PHACTR2: variants seen among roughly 807,000 people sequenced by gnomAD.
The protein encoded by PHACTR2 is phosphatase and actin regulator 2, also known as chromosome 6 open reading frame 56.
PHACTR2 carries 30 observed loss-of-function variants against 76.0 expected under a neutral mutation model. That is an observed-to-expected ratio of 0.39 (90% CI 0.30 to 0.54). The LOEUF (loss-of-function observed/expected upper bound fraction) is 0.54. PHACTR2 is among the 20% of genes least tolerant of loss of function. The pLI, the probability that PHACTR2 is intolerant of heterozygous loss-of-function variation, is 0.61. For missense variants in PHACTR2, 696 were observed against 781.1 expected, an observed-to-expected ratio of 0.89 and a Z score of 1.30; for synonymous variants, 292 against 292.5, an observed-to-expected ratio of 1.00 and a Z score of 0.02.
Position 143,654,105 on chromosome 6 carries a change from A to G in PHACTR2, c.13+45783A>G, listed in dbSNP as rs1475708254. Among the ~76,000 whole-genome samples, 4 of 152,244 alleles carry G rather than the reference A, an allele frequency of 2.6e-5. No homozygotes were observed. The highest frequency in any genetic ancestry group is 6.5e-5 in the Admixed American group (1 of 15,284). On this transcript the variant is annotated intron_variant, in intron 1 of 11. Transcript: ENST00000305766. The surrounding 1 kb of genome is among the most constrained non-coding windows in gnomAD (Gnocchi z 4.6). ...ATTCAGATATCTAATAAACACATGA[A>G]AAGATGCTCAGCATCATTAACCATC...
At position 143,742,374 on chromosome 6, in the gene PHACTR2, TGCGGAGGCAAGGTG is replaced by T. The variant is rs1225622343; in HGVS notation, c.215-6608_215-6595del. Among the ~76,000 whole-genome samples, 4 of 152,218 alleles carry T rather than the reference TGCGGAGGCAAGGTG, an allele frequency of 2.6e-5. No homozygotes were observed. The highest frequency in any genetic ancestry group is 5.9e-5 in the Non-Finnish European group (4 of 68,034). On this transcript the variant is annotated intron_variant, in intron 2 of 12. Transcript: ENST00000440869. This position sits in a 1 kb window ranked among gnomAD's most constrained non-coding sequence, Gnocchi z 4.5. ...TGGTTGTTAACTTCAGTTCTCCTCT[TGCGGAGGCAAGGTG>T]GCCACTAGCCACTCTTGCTCATATT...
chr6:143,568,329 G>A (rs375541840), intron 1 of PHACTR2, among the ~76,000 whole-genome samples: 1 of 152,186 alleles, frequency 6.6e-6, no homozygotes, highest in African/African-American at 2.4e-5. Flanking sequence ...TAAGGTTATA[G>A]GGCCCTTGTA....
chr6:143,620,037 G>A (rs1416088546), intron 1 of PHACTR2, among the ~76,000 whole-genome samples: 1 of 152,136 alleles, frequency 6.6e-6, no homozygotes. Context: ...TTAAGTTAAG[G>A]AAGTTCAAAG....
At chr6:143,644,743 T>C (rs79313593) in intron 1 of PHACTR2, among the ~76,000 whole-genome samples, 3,103 of 151,848 alleles carry the variant, frequency 0.02, 45 homozygotes, top group Middle Eastern at 0.041. Flanking sequence ...AAATCAATCA[T>C]GGCATCTTAG....
chr6:143,670,460 C>G (rs1336125320), intron 1 of PHACTR2, among the ~76,000 whole-genome samples: 1 of 152,134 alleles, frequency 6.6e-6, no homozygotes, highest in Non-Finnish European at 1.5e-5. Flanking sequence ...TTCACTCTCC[C>G]CGTCACTTTC....
At chr6:143,629,393 G>C (rs956884069) in intron 1 of PHACTR2, among the ~76,000 whole-genome samples, 1 of 152,130 alleles carries the variant, frequency 6.6e-6, no homozygotes, top group Non-Finnish European at 1.5e-5. Context: ...TTATTATCAA[G>C]CTCCACATTG....
intron 2 of PHACTR2, among the ~76,000 whole-genome samples, chr6:143,728,216 C>CTTTTTTTTTTTTTTTT (rs548709835): frequency 1.2e-3 from 99 of 83,718 alleles, no homozygotes; most frequent in Admixed American, 1.4e-3. Context: ...TTTTTTCTTT[C>CTTTTTTTTTTTTTTTT]TTTTTTTTTT....
chr6:143,829,285 TAAACAC>T lies in PHACTR2; in HGVS notation c.*5604_*5609del, dbSNP rs1776611285. On this transcript the variant is annotated 3_prime_UTR_variant, in exon 13 of 13. Coordinates refer to ENST00000440869, the MANE Select transcript of PHACTR2 (RefSeq NM_001100164.2). ...CTGTCATGAGGATTGTTGCATGGGTTAAACACAAACACAGACTAGCAATGCACTTGA... is the reference window on the plus strand; with the variant it reads ...CTGTCATGAGGATTGTTGCATGGGTTAAACACAGACTAGCAATGCACTTGA... 6.6e-6 allele frequency: 1 copy of T among 151,350 alleles called. No individual in the cohort carries two copies. Among genetic ancestry groups the T allele is most frequent in the South Asian group, 2.1e-4 (1 of 4,792 alleles). The allele number at this position is 151,350 out of a possible 1,614,324, so 9.4% of individuals were successfully genotyped here. A position where few individuals can be genotyped will look rare whatever the true frequency, so the allele number is the denominator to read the frequency against.
In PHACTR2 at chr6:143,584,874, GGGA is replaced by G. The variant is rs373999709; in HGVS notation, c.217+47672_217+47674del. 3.9e-3 allele frequency among the ~76,000 whole-genome samples: 586 copies of G among 151,992 alleles called. 5 individuals carry two copies. The highest frequency in any genetic ancestry group is 0.014 in the African/African-American group (565 of 41,434). On this transcript the variant is annotated intron_variant, in intron 1 of 11. Transcript: ENST00000367584. ...AATAAAGATTAGGACTCGGGCACCA[GGGA>G]GGAGAAGAACATAAGGCTAGGAAGC...
chr6:143,557,343 G>A lies in PHACTR2; in HGVS notation c.217+20136G>A, dbSNP rs1775193292. Among the ~76,000 whole-genome samples, 1 of 152,148 alleles carries A rather than the reference G, an allele frequency of 6.6e-6. No individual in the cohort carries two copies. The highest frequency in any genetic ancestry group is 2.1e-4 in the South Asian group (1 of 4,820). On this transcript the variant is annotated intron_variant, in intron 1 of 11. Coordinates refer to the PHACTR2 transcript ENST00000367584. This position sits in a 1 kb window ranked among gnomAD's most constrained non-coding sequence, Gnocchi z 5.5. ...TGGAGAGGGAGGTAAATCATCTTGG[G>A]TCATACAGCCAGTAAGTGCAGAGGC...
chr6:143,593,331 A>G (rs1775713910), intron 1 of PHACTR2, among the ~76,000 whole-genome samples: 1 of 50,512 alleles, frequency 2.0e-5, no homozygotes, highest in Admixed American at 1.5e-4. Context: ...AGGAGGAAAC[A>G]CAGGGGGTGT....
intron 2 of PHACTR2, among the ~76,000 whole-genome samples, chr6:143,728,216 C>CTTTTT (rs548709835): frequency 3.2e-4 from 27 of 83,730 alleles, no homozygotes; most frequent in East Asian, 6.3e-4. Flanking sequence ...TTTTTTCTTT[C>CTTTTT]TTTTTTTTTT....
At chr6:143,565,046 A>C (rs1775343089) in intron 1 of PHACTR2, among the ~76,000 whole-genome samples, 1 of 152,220 alleles carries the variant, frequency 6.6e-6, no homozygotes, top group Non-Finnish European at 1.5e-5. Flanking sequence ...GTTCAAGCCA[A>C]TAGATATGTT....
rs1031739439 is a variant in PHACTR2 at position 143,537,970 on chromosome 6, C to G, written c.217+763C>G. Among the ~76,000 whole-genome samples, 1 of 152,194 alleles carries G rather than the reference C, an allele frequency of 6.6e-6. No individual in the cohort carries two copies. The highest frequency in any genetic ancestry group is 1.9e-4 in the East Asian group (1 of 5,186). On this transcript the variant is annotated intron_variant, in intron 1 of 11. Transcript: ENST00000367584. This position sits in a 1 kb window ranked among gnomAD's most constrained non-coding sequence, Gnocchi z 4.4. ...ACTAAAAATACAAAAAATTAGCCGC[C>G]GAGGCGGCGCATGCCTGTAGTCCTA...
chr6:143,788,735 G>A (rs371194940), intron 10 of PHACTR2, 38 bp from the exon 11 acceptor site: 7 of 1,578,224 alleles, frequency 4.4e-6, no homozygotes, highest in South Asian at 1.1e-5. Context: ...GCTGTAAGTG[G>A]TTTACTGAAC....
At chr6:143,790,873 T>G (rs935683920) in intron 11 of PHACTR2, among the ~76,000 whole-genome samples, 1 of 152,132 alleles carries the variant, frequency 6.6e-6, no homozygotes, top group Non-Finnish European at 1.5e-5. Flanking sequence ...GAGATGGGGT[T>G]TCACCGTGTT....
At chr6:143,721,402 A>T (rs921854268) in intron 2 of PHACTR2, among the ~76,000 whole-genome samples, 2 of 152,226 alleles carry the variant, frequency 1.3e-5, no homozygotes, top group African/African-American at 4.8e-5. Flanking sequence ...TATTGTTACT[A>T]TAGTAAAACA....
Position 143,571,703 on chromosome 6 carries a change from G to A in PHACTR2, c.217+34496G>A, listed in dbSNP as rs1033054774. Reference sequence around the variant, plus strand: ...GAGAGTTTGGTACAAGTTTACTCCTGTGTCCATTTGCCATGCTCCCATCAT... The same window carrying A: ...GAGAGTTTGGTACAAGTTTACTCCTATGTCCATTTGCCATGCTCCCATCAT... On this transcript the variant is annotated intron_variant, in intron 1 of 11. Coordinates refer to the PHACTR2 transcript ENST00000367584. The surrounding 1 kb of genome is among the most constrained non-coding windows in gnomAD (Gnocchi z 4.6). Among the ~76,000 whole-genome samples, 5 of 151,882 alleles carry A rather than the reference G, an allele frequency of 3.3e-5. No homozygotes were observed. The highest frequency in any genetic ancestry group is 1.2e-4 in the African/African-American group (5 of 41,322).
chr6:143,777,032 A>G lies in PHACTR2; in HGVS notation c.1590-296A>G, dbSNP rs900104238. 1.3e-5 allele frequency among the ~76,000 whole-genome samples: 2 copies of G among 152,092 alleles called. No homozygotes were observed. The highest frequency in any genetic ancestry group is 4.8e-5 in the African/African-American group (2 of 41,418). ...TGCTCACATCCCATTGCAGAAACTC[A>G]GTCACAGCACGATACCTGGCTTCTA... On this transcript the variant is annotated intron_variant, in intron 8 of 12. Transcript: ENST00000440869. The surrounding 1 kb of genome is among the most constrained non-coding windows in gnomAD (Gnocchi z 4.6).
Sources: allele counts gnomAD v4.1 joint callset (sites outside exome capture counted in the v4.1 genomes callset), GRCh38; gene constraint gnomAD v4.1.1; non-coding constraint Gnocchi (gnomAD v3.1); transcripts MANE v1.5; gene names NCBI Gene and HGNC (gene_info 2026-07-23, HGNC 2026-07-21).